The following BBS1 variants were observed in gnomAD, a reference collection of about 807,000 sequenced individuals.
BBS1 encodes the protein Bardet-Biedl syndrome 1, also known as BBSome complex member BBS1.
Under a neutral mutation model 73.9 loss-of-function variants are expected in BBS1, and 60 were observed. The observed-to-expected ratio is 0.81, with a 90% CI of 0.66 to 1.01. The LOEUF is 1.01. Ranked by LOEUF, BBS1 falls within the 50% of genes least tolerant of loss-of-function variation. The pLI is 0.00. For missense variants in BBS1, 718 were observed against 770.3 expected (o/e 0.93, Z 0.80); for synonymous variants, 283 against 317.4 (o/e 0.89, Z 1.15).
chr11:66,531,837 T>C, intron 16 of BBS1, 95 bp downstream of exon 16: 1 of 1,507,822 alleles, frequency 6.6e-7, no homozygotes, highest in Non-Finnish European at 8.9e-7. Context: ...GGCTCCTGGG[T>C]GGGGGTGGGG....
chr11:66,511,778 C>T (rs184470116), intron 3 of BBS1, among the ~76,000 whole-genome samples: 37 of 151,780 alleles, frequency 2.4e-4, no homozygotes, highest in Non-Finnish European at 4.7e-4. Flanking sequence ...GTGGGTGGAT[C>T]GCTTGAGCTT....
chr11:66,531,763 A>G (rs748296861), intron 16 of BBS1, 21 bp downstream of exon 16: 29 of 1,613,656 alleles, frequency 1.8e-5, no homozygotes, highest in African/African-American at 2.7e-5. Flanking sequence ...CACTTGTACC[A>G]CGTGGAAGGT....
chr11:66,515,827 G>A (rs752227393), intron 6 of BBS1, 34 bp from the exon 7 acceptor site: 28 of 1,613,686 alleles, frequency 1.7e-5, no homozygotes, highest in South Asian at 3.3e-5. Flanking sequence ...CAGCGAGGCC[G>A]GGGCCTGCAG....
At chr11:66,529,234 G>T in intron 13 of BBS1, 1 of 1,502,526 alleles carries the variant, frequency 6.7e-7, no homozygotes, top group Non-Finnish European at 8.9e-7. Flanking sequence ...GAAGAGTCAT[G>T]TGATCCTGCA....
At position 66,526,326 on chromosome 11, in the gene BBS1, C is replaced by T. The variant is rs1565287648; in HGVS notation, c.1180+134C>T. ...TGGAAAGTAAGGCCTACAGAAGTGT[C>T]CTTCTGGAGCTAGGCCTCCACTGGG... On this transcript the variant is annotated intron_variant, in intron 12 of 16. Coordinates refer to ENST00000318312, the MANE Select transcript of BBS1 (RefSeq NM_024649.5). 4 of 918,708 alleles carry T rather than the reference C, an allele frequency of 4.4e-6. No individual in the cohort carries two copies. In the Admixed American group the frequency reaches 7.0e-5, roughly 16 times the overall value. The allele number at this position is 918,708 out of a possible 1,614,324, so 56.9% of individuals were successfully genotyped here.
intron 13 of BBS1, chr11:66,529,153 A>G (rs1006782462): frequency 1.8e-4 from 178 of 964,780 alleles, no homozygotes; most frequent in Non-Finnish European, 2.1e-4. Flanking sequence ...AGCCTGGGGG[A>G]CCGAGGTGCC....
Position 66,526,697 on chromosome 11 carries a change from A to T in BBS1, c.1229A>T (p.Glu410Val), listed in dbSNP as rs1285285518. ...KILKRTAVFV[E>V]GGSEVGPPPA... ...CTGAAGCGTACAGCAGTGTTTGTAG[A>T]GGGAGGAAGTGAGGTGGGTCCCCCA... Residue 410 changes from glutamate to valine, a missense_variant, in exon 13 of 17, where the codon GAG becomes GTG. Physicochemically the swap from Glu to Val is moderately radical, Grantham distance 121. Coordinates refer to ENST00000318312, the MANE Select transcript of BBS1 (RefSeq NM_024649.5). 5.6e-6 allele frequency: 9 copies of T among 1,614,076 alleles called. No homozygotes were observed. Among genetic ancestry groups the T allele is most frequent in the Non-Finnish European group, 7.6e-6 (9 of 1,180,040 alleles).
At chr11:66,520,718 A>G (rs193161582) in intron 8 of BBS1, 1 of 188,520 alleles carries the variant, frequency 5.3e-6, no homozygotes, top group East Asian at 1.3e-4. Context: ...AGACCTTTTT[A>G]CCCAAATATC....
In BBS1 at chr11:66,521,259, CTTG is replaced by C. The variant is rs1802964008; in HGVS notation, c.724-8_724-6del. On this transcript the variant is annotated splice_polypyrimidine_tract_variant and splice_region_variant and intron_variant, in intron 8 of 16. Transcript: ENST00000318312. ...CAGAGAAATTGGAGTGTTTGCGCTT[CTTG>C]TTTGCAGATGAGCCTTCCCAGCGTC... The C allele has an allele frequency of 6.2e-7, 1 of 1,610,758 alleles. No individual in the cohort carries two copies. Among genetic ancestry groups the C allele is most frequent in the African/African-American group, 1.3e-5 (1 of 75,012 alleles).
rs766878866 is a variant in BBS1, at chr11:66,531,938, C to T, written c.1696-13C>T. The T allele has an allele frequency of 1.3e-5, 20 of 1,577,244 alleles. No individual in the cohort carries two copies. The highest frequency in any genetic ancestry group is 1.5e-5 in the Non-Finnish European group (18 of 1,161,942). On this transcript the variant is annotated splice_polypyrimidine_tract_variant and intron_variant, in intron 16 of 16. Coordinates refer to ENST00000318312, the MANE Select transcript of BBS1 (RefSeq NM_024649.5). ...GGTGTATGCCCCCTGCTGCCATGGC[C>T]ACTCCTCCATAGGTGCTGGTGCTTC...
chr11:66,532,224 C>T lies in BBS1; in HGVS notation c.*187C>T, dbSNP rs148117167. On this transcript the variant is annotated 3_prime_UTR_variant, in exon 17 of 17. Coordinates refer to ENST00000318312, the MANE Select transcript of BBS1 (RefSeq NM_024649.5). Reference sequence around the variant, plus strand: ...GTAGCAGGTTAGTGAGTACCTAGGGCGGCTCAACTCCTCCCACAGCACCAA... The same window carrying T: ...GTAGCAGGTTAGTGAGTACCTAGGGTGGCTCAACTCCTCCCACAGCACCAA... 1.9e-3 allele frequency: 1,178 copies of T among 629,742 alleles called. 11 individuals carry two copies. The African/African-American group carries it at 0.02, about 10-fold the overall frequency. 39.0% of individuals were successfully genotyped at this position (629,742 alleles called of 1,614,324 possible).
intron 11 of BBS1, 130 bp downstream of exon 11, chr11:66,524,012 G>A: frequency 3.0e-6 from 4 of 1,342,354 alleles, no homozygotes; most frequent in Non-Finnish European, 3.1e-6. Context: ...AGGCACAGTG[G>A]CTCATGCCTG....
intron 9 of BBS1, 108 bp downstream of exon 9, chr11:66,521,484 A>G: frequency 1.1e-6 from 1 of 877,772 alleles, no homozygotes; most frequent in Non-Finnish European, 1.9e-6. Context: ...TTGGAAATGC[A>G]AAGAGCTGAG....
intron 8 of BBS1, 141 bp downstream of exon 8, chr11:66,519,889 C>A: frequency 2.6e-6 from 3 of 1,136,488 alleles, no homozygotes; most frequent in Non-Finnish European, 3.7e-6. Flanking sequence ...GATATATATC[C>A]AAAAATCCTA....
chr11:66,523,810 C>T lies in BBS1; in HGVS notation c.1038C>T (p.Val346=). Residue 346 remains valine, a synonymous_variant, in exon 11 of 17, where the codon GTC becomes GTT. Coordinates refer to ENST00000318312, the MANE Select transcript of BBS1 (RefSeq NM_024649.5). ...AGCATTCCCGGGGCCTGCAGGCCGT[C>T]ATGGCTGGGCTGGCCAATGGAGAGG... ...LEQHSRGLQA[V]MAGLANGEVR... The T allele has an allele frequency of 1.9e-6, 3 of 1,613,638 alleles. No homozygotes were observed. Among genetic ancestry groups the T allele is most frequent in the Non-Finnish European group, 2.5e-6 (3 of 1,180,030 alleles).
At chr11:66,515,443 A>G (rs1231333272) in intron 4 of BBS1, 97 bp from the exon 5 acceptor site, 4 of 1,362,838 alleles carry the variant, frequency 2.9e-6, no homozygotes, top group Non-Finnish European at 4.2e-6. Flanking sequence ...GGCAGAGACC[A>G]AGAGGTACCC....
chr11:66,523,545 C>G lies in BBS1; in HGVS notation c.920C>G (p.Thr307Ser), dbSNP rs1340024264. ...RVHKVLVVGS[T>S]QDSLHGFTHK... ...CACAAGGTCCTAGTGGTGGGCAGCA[C>G]CCAAGACAGCCTGCATGGCTTCACC... The change falls in exon 10 of 17, where the codon ACC (threonine) becomes AGC (serine). Residue 307 changes from threonine to serine, a missense_variant. Physicochemically the swap from Thr to Ser is moderately conservative, Grantham distance 58. Transcript: ENST00000318312. 1.9e-6 allele frequency: 3 copies of G among 1,614,030 alleles called. No homozygotes were observed. The African/African-American group carries it at 4.0e-5, about 22-fold the overall frequency.
chr11:66,527,170 C>T, intron 13 of BBS1: 1 of 615,822 alleles, frequency 1.6e-6, no homozygotes, highest in Non-Finnish European at 2.9e-6. Context: ...CCCAGGAGTT[C>T]AAGACCTACC....
At position 66,520,225 on chromosome 11, in the gene BBS1, C is replaced by CAGT. The variant is rs1447787576; in HGVS notation, c.723+479_723+481dup. 2.8e-5 allele frequency: 5 copies of CAGT among 177,572 alleles called. No homozygotes were observed. In the East Asian group the frequency reaches 5.7e-4, roughly 20 times the overall value. The allele number at this position is 177,572 out of a possible 1,614,324, so 11.0% of individuals were successfully genotyped here. A position where few individuals can be genotyped will look rare whatever the true frequency, so the allele number is the denominator to read the frequency against. ...CATGTAACATGTTCTTTTCATGTAG[C>CAGT]AGTATATCATCAGTGTCTTTCTATA... On this transcript the variant is annotated intron_variant, in intron 8 of 16. Coordinates refer to ENST00000318312, the MANE Select transcript of BBS1 (RefSeq NM_024649.5).
Sources: gnomAD v4.1 joint callset for allele counts (sites outside exome capture counted in the v4.1 genomes callset) on GRCh38, gnomAD v4.1.1 for gene constraint, MANE v1.5 for transcripts, NCBI Gene and HGNC (gene_info 2026-07-23, HGNC 2026-07-21) for gene names.